VWC2: variants seen among roughly 807,000 people sequenced by gnomAD.
The protein encoded by VWC2 is brorin.
In VWC2, 14 loss-of-function variants were observed where a neutral mutation model predicts 29.8. That is an observed-to-expected ratio of 0.47 (90% confidence interval 0.31 to 0.74). VWC2 has a LOEUF of 0.74. Among genes scored for constraint, VWC2 ranks in the 30% least tolerant of loss-of-function variants. The pLI, the probability that VWC2 is intolerant of heterozygous loss-of-function variation, is 0.05. For missense variants in VWC2, 457 were observed against 459.8 expected (o/e 0.99, Z 0.05); for synonymous variants, 213 against 199.0 (o/e 1.07, Z -0.59).
At chr7:49,828,588 G>A (rs1184438808) in intron 3 of VWC2, among the ~76,000 whole-genome samples, 1 of 152,180 alleles carries the variant, frequency 6.6e-6, no homozygotes, top group Non-Finnish European at 1.5e-5. Context: ...TATCCTGTGT[G>A]TGTTGAGCTG....
At chr7:49,807,360 A>C (rs1005681200) in intron 3 of VWC2, among the ~76,000 whole-genome samples, 1 of 152,226 alleles carries the variant, frequency 6.6e-6, no homozygotes, top group Admixed American at 6.5e-5. Flanking sequence ...GGAACAACAA[A>C]GCTGGAAAAT....
rs181684382 is a variant in VWC2, at chr7:49,851,177, G to A, written c.826+48337G>A. On this transcript the variant is annotated intron_variant, in intron 3 of 3. Coordinates refer to ENST00000340652, the MANE Select transcript of VWC2 (RefSeq NM_198570.5). Reference sequence around the variant, plus strand: ...AGGCTTCACTGCAGGCTCTGCCTCCGTCTTGATGTGGTCTTCTTCTCTGTG... The same window carrying A: ...AGGCTTCACTGCAGGCTCTGCCTCCATCTTGATGTGGTCTTCTTCTCTGTG... Among the ~76,000 whole-genome samples, 11 of 152,258 alleles carry A rather than the reference G, an allele frequency of 7.2e-5. No homozygotes were observed. In the East Asian group the frequency reaches 7.7e-4, roughly 11 times the overall value.
chr7:49,802,655 C>T (rs901722541), intron 2 of VWC2, 56 bp from the exon 3 acceptor site: 2 of 1,608,402 alleles, frequency 1.2e-6, no homozygotes, highest in African/African-American at 2.7e-5. Flanking sequence ...TATATATGAC[C>T]CTGTAGGATA....
chr7:49,871,908 AACACACACAC>A (rs72332840), intron 3 of VWC2, among the ~76,000 whole-genome samples: 11,810 of 87,812 alleles, frequency 0.13, 1,002 homozygotes, highest in South Asian at 0.19. Context: ...TGTGTATATA[AACACACACAC>A]ACACACACAC....
chr7:49,830,822 T>C (rs1789509449), intron 3 of VWC2, among the ~76,000 whole-genome samples: 1 of 152,200 alleles, frequency 6.6e-6, no homozygotes, highest in South Asian at 2.1e-4. Flanking sequence ...TCCAGCTTCA[T>C]CCATGTCCCT....
chr7:49,796,981 G>T (rs1788606942), intron 2 of VWC2, among the ~76,000 whole-genome samples: 1 of 152,124 alleles, frequency 6.6e-6, no homozygotes, highest in Non-Finnish European at 1.5e-5. Context: ...AGTGTTTTGT[G>T]TGTAAACTCT....
At chr7:49,856,698 C>T (rs563301309) in intron 3 of VWC2, among the ~76,000 whole-genome samples, 1 of 152,276 alleles carries the variant, frequency 6.6e-6, no homozygotes, top group South Asian at 2.1e-4. Context: ...CAAAAGTTCT[C>T]TGATGTCCTT....
At chr7:49,859,468 G>T (rs1279202798) in intron 3 of VWC2, among the ~76,000 whole-genome samples, 1 of 152,110 alleles carries the variant, frequency 6.6e-6, no homozygotes, top group African/African-American at 2.4e-5. Flanking sequence ...TGTGTGTTGT[G>T]AGGTGGGAAA....
chr7:49,775,813 C>A lies in VWC2; in HGVS notation c.378C>A (p.Ala126=). ...CGCAGGCGGAAGCCCTGGCCGCAGC[C>A]GCCCAGGACGCGATTGGCCCGGAAC... ...DTPQAEALAA[A]AQDAIGPELA... Residue 126 remains alanine, a synonymous_variant, in exon 2 of 4, where the codon GCC becomes GCA. Coordinates refer to ENST00000340652, the MANE Select transcript of VWC2 (RefSeq NM_198570.5). The A allele has an allele frequency of 6.5e-7, 1 of 1,539,808 alleles. No homozygotes were observed. Among genetic ancestry groups the A allele is most frequent in the Non-Finnish European group, 8.8e-7 (1 of 1,142,812 alleles).
chr7:49,841,185 C>G (rs1789785031), intron 3 of VWC2, among the ~76,000 whole-genome samples: 2 of 152,140 alleles, frequency 1.3e-5, no homozygotes, highest in Non-Finnish European at 2.9e-5. Flanking sequence ...GCTCCAGACT[C>G]AAGTAACCAA....
rs150782936 is a variant in VWC2 at position 49,902,599 on chromosome 7, G to A, written c.827-9435G>A. 3.4e-3 allele frequency among the ~76,000 whole-genome samples: 505 copies of A among 148,102 alleles called. 1 individual carries two copies. Among genetic ancestry groups the A allele is most frequent in the African/African-American group, 0.011 (466 of 40,640 alleles). ...CTCAAACCCAAACCTCACACCCTAT[G>A]AAAAATTTATCTCAGAATGGATCAT... On this transcript the variant is annotated intron_variant, in intron 3 of 3. Transcript: ENST00000340652.
chr7:49,886,291 T>C (rs757160150), intron 3 of VWC2, among the ~76,000 whole-genome samples: 2 of 152,100 alleles, frequency 1.3e-5, no homozygotes, highest in Non-Finnish European at 2.9e-5. Flanking sequence ...ATGCAGACAA[T>C]AGAGTACATT....
chr7:49,853,141 C>T (rs1790264018), intron 3 of VWC2, among the ~76,000 whole-genome samples: 1 of 152,260 alleles, frequency 6.6e-6, no homozygotes, highest in South Asian at 2.1e-4. Context: ...GGGCTCTGAA[C>T]AGGAGCAGTC....
At position 49,915,989 on chromosome 7, in the gene VWC2, AAG is replaced by A. The variant is rs1464820572; in HGVS notation, c.*3810_*3811del. 6.6e-6 allele frequency: 1 copy of A among 152,182 alleles called. No individual in the cohort carries two copies. The highest frequency in any genetic ancestry group is 1.5e-5 in the Non-Finnish European group (1 of 68,036). The allele number at this position is 152,182 out of a possible 1,614,324, so 9.4% of individuals were successfully genotyped here. A position where few individuals can be genotyped will look rare whatever the true frequency, so the allele number is the denominator to read the frequency against. ...AGTAACTATTCTGAAGAATCAGATT[AAG>A]AGAGAACAATTTACTTATTCAGGAA... On this transcript the variant is annotated 3_prime_UTR_variant, in exon 4 of 4. Transcript: ENST00000340652.
At chr7:49,864,076 G>T (rs921096183) in intron 3 of VWC2, among the ~76,000 whole-genome samples, 7 of 149,360 alleles carry the variant, frequency 4.7e-5, no homozygotes, top group Middle Eastern at 3.4e-3. Context: ...TCCTGTTTTT[G>T]TTGTTGTTGT....
chr7:49,806,954 A>G (rs1788892115), intron 3 of VWC2, among the ~76,000 whole-genome samples: 1 of 152,222 alleles, frequency 6.6e-6, no homozygotes, highest in Non-Finnish European at 1.5e-5. Flanking sequence ...TGATTTTAAC[A>G]AGGATGTTTA....
intron 3 of VWC2, among the ~76,000 whole-genome samples, chr7:49,908,643 G>A (rs1793235989): frequency 6.6e-6 from 1 of 151,854 alleles, no homozygotes; most frequent in Admixed American, 6.6e-5. Context: ...TACTACACGT[G>A]ATAGCCAGGT....
intron 3 of VWC2, among the ~76,000 whole-genome samples, chr7:49,849,736 AACC>A (rs1223457832): frequency 6.6e-6 from 1 of 152,218 alleles, no homozygotes; most frequent in Non-Finnish European, 1.5e-5. Flanking sequence ...AAGAATGGGC[AACC>A]AGCCTGTCAC....
chr7:49,779,997 T>C (rs370373674), intron 2 of VWC2, among the ~76,000 whole-genome samples: 6 of 152,232 alleles, frequency 3.9e-5, no homozygotes, highest in Admixed American at 2.6e-4. Flanking sequence ...TCTTAGCTAC[T>C]GGCGTGAGGA....
Sources: gnomAD v4.1 joint callset for allele counts (sites outside exome capture counted in the v4.1 genomes callset) on GRCh38, gnomAD v4.1.1 for gene constraint, MANE v1.5 for transcripts, NCBI Gene and HGNC (gene_info 2026-07-23, HGNC 2026-07-21) for gene names.